The following FOXP2 variants were observed in gnomAD, a reference collection of about 807,000 sequenced individuals.
FOXP2 encodes the protein forkhead box P2.
In FOXP2, 12 loss-of-function variants were observed where a neutral mutation model predicts 115.8. The ratio of observed to expected loss-of-function variants is 0.10; its 90% CI spans 0.07 to 0.17. The LOEUF (loss-of-function observed/expected upper bound fraction) is 0.17. FOXP2 is among the 10% of genes least tolerant of loss of function. The pLI is 1.00. For missense variants in FOXP2, 629 were observed against 843.5 expected (o/e 0.75, Z 3.15); for synonymous variants, 328 against 297.7 (o/e 1.10, Z -1.05).
intron 1 of FOXP2, among the ~76,000 whole-genome samples, chr7:114,144,912 G>A (rs994866028): frequency 6.6e-6 from 1 of 152,144 alleles, no homozygotes; most frequent in Non-Finnish European, 1.5e-5. Context: ...ATTATCCACT[G>A]AACGCTATTA....
chr7:114,172,325 T>C (rs759954109), intron 1 of FOXP2, among the ~76,000 whole-genome samples: 4 of 152,076 alleles, frequency 2.6e-5, no homozygotes, highest in Non-Finnish European at 5.9e-5. Context: ...AAAGTAAAAC[T>C]TATCAGTGGT....
At chr7:114,386,771 T>G (rs1429444017) in intron 2 of FOXP2, among the ~76,000 whole-genome samples, 1 of 152,234 alleles carries the variant, frequency 6.6e-6, no homozygotes, top group African/African-American at 2.4e-5. Flanking sequence ...TTCAGGCTAT[T>G]TCTGAGTAGG....
intron 2 of FOXP2, among the ~76,000 whole-genome samples, chr7:114,526,107 C>A (rs989017955): frequency 8.7e-5 from 12 of 137,244 alleles, no homozygotes; most frequent in Middle Eastern, 4.3e-3. Flanking sequence ...AGTGAAATTT[C>A]GTCTCAAAAA....
chr7:114,556,218 G>C (rs1800445137), intron 3 of FOXP2, among the ~76,000 whole-genome samples: 1 of 152,140 alleles, frequency 6.6e-6, no homozygotes, highest in Non-Finnish European at 1.5e-5. Context: ...AAATGAGGAG[G>C]GGTAAGAGGC....
At chr7:114,406,836 T>G (rs1195182120) in intron 2 of FOXP2, among the ~76,000 whole-genome samples, 4 of 152,010 alleles carry the variant, frequency 2.6e-5, no homozygotes, top group Admixed American at 2.0e-4. Flanking sequence ...CTAGCCTAAG[T>G]CTCTGTCTTT....
intron 2 of FOXP2, among the ~76,000 whole-genome samples, chr7:114,498,684 T>C (rs927792376): frequency 3.9e-5 from 6 of 152,218 alleles, no homozygotes; most frequent in Non-Finnish European, 8.8e-5. Context: ...AATATTCTTA[T>C]ACCAAAAGAA....
At chr7:114,185,780 C>A (rs1036314044) in intron 1 of FOXP2, among the ~76,000 whole-genome samples, 3 of 152,110 alleles carry the variant, frequency 2.0e-5, no homozygotes, top group African/African-American at 2.4e-5. Context: ...GAATTAGTTT[C>A]ATTTTTTATT....
chr7:114,618,970 C>A (rs915114505), intron 3 of FOXP2, among the ~76,000 whole-genome samples: 1 of 152,092 alleles, frequency 6.6e-6, no homozygotes, highest in African/African-American at 2.4e-5. Context: ...CTGAGGATAA[C>A]TGAGTGACAT....
intron 2 of FOXP2, among the ~76,000 whole-genome samples, chr7:114,319,556 C>T (rs1202669065): frequency 2.6e-5 from 4 of 152,228 alleles, no homozygotes; most frequent in South Asian, 4.2e-4. Context: ...AAAGAGAGAG[C>T]GTGTGCAGAG....
rs555910681 is a variant in FOXP2, at chr7:114,415,290, A to G, written c.-81A>G. 7.3e-5 allele frequency: 33 copies of G among 453,392 alleles called. No individual in the cohort carries two copies. The highest frequency in any genetic ancestry group is 4.2e-4 in the South Asian group (27 of 64,444). 28.1% of individuals were successfully genotyped at this position (453,392 alleles called of 1,614,324 possible). A position where few individuals can be genotyped will look rare whatever the true frequency, so the allele number is the denominator to read the frequency against. On this transcript the variant is annotated 5_prime_UTR_variant, in exon 1 of 17. Coordinates refer to ENST00000350908, the MANE Select transcript of FOXP2 (RefSeq NM_014491.4). ...TGTGCTGGCTTTTTTGAATCTTCCTAATTTTTCATCTCTTTAACAAACTCC... is the reference window on the plus strand; with the variant it reads ...TGTGCTGGCTTTTTTGAATCTTCCTGATTTTTCATCTCTTTAACAAACTCC...
At chr7:114,615,160 A>C (rs1178470215) in intron 3 of FOXP2, among the ~76,000 whole-genome samples, 1 of 152,170 alleles carries the variant, frequency 6.6e-6, no homozygotes. Flanking sequence ...CGGAGGTTGC[A>C]GTGAGCCGAG....
chr7:114,514,821 C>T (rs986527610), intron 2 of FOXP2, among the ~76,000 whole-genome samples: 3 of 151,672 alleles, frequency 2.0e-5, no homozygotes, highest in Admixed American at 2.0e-4. Flanking sequence ...CACCCATTAA[C>T]TCATCATTTA....
intron 2 of FOXP2, among the ~76,000 whole-genome samples, chr7:114,429,753 T>C (rs2129206674): frequency 6.6e-6 from 1 of 151,670 alleles, no homozygotes; most frequent in Non-Finnish European, 1.5e-5. Context: ...TGGTTAGTAG[T>C]TTCTTACTGT....
intron 16 of FOXP2, chr7:114,665,561 A>G (rs898236208): frequency 4.6e-5 from 7 of 152,062 alleles, no homozygotes; most frequent in Non-Finnish European, 8.8e-5. Context: ...TAATGTCTTT[A>G]AGAGCATATG....
chr7:114,357,189 C>A (rs1310698552), intron 2 of FOXP2, among the ~76,000 whole-genome samples: 2 of 152,084 alleles, frequency 1.3e-5, no homozygotes, highest in Non-Finnish European at 2.9e-5. Context: ...GGGAATTTTT[C>A]ATAGTAGTAC....
intron 2 of FOXP2, among the ~76,000 whole-genome samples, chr7:114,513,424 T>A (rs1050579043): frequency 1.3e-5 from 2 of 152,074 alleles, no homozygotes; most frequent in Non-Finnish European, 2.9e-5. Context: ...TGACTTATAA[T>A]TAGAATCATT....
At chr7:114,535,040 A>T (rs1799313439) in intron 3 of FOXP2, among the ~76,000 whole-genome samples, 1 of 151,732 alleles carries the variant, frequency 6.6e-6, no homozygotes, top group East Asian at 1.9e-4. Flanking sequence ...TTAAAAGCAA[A>T]GTTATAGTAA....
chr7:114,216,450 C>T (rs1278935376), intron 1 of FOXP2, among the ~76,000 whole-genome samples: 3 of 151,910 alleles, frequency 2.0e-5, no homozygotes, highest in South Asian at 2.1e-4. Context: ...GCTTGTGCAG[C>T]GTAAGTTTAA....
intron 3 of FOXP2, among the ~76,000 whole-genome samples, chr7:114,550,964 C>A (rs543160970): frequency 6.6e-6 from 1 of 150,834 alleles, no homozygotes; most frequent in Non-Finnish European, 1.5e-5. Flanking sequence ...TAGACTAAAG[C>A]AGAAGTGGCT....
Sources: allele counts gnomAD v4.1 joint callset (sites outside exome capture counted in the v4.1 genomes callset), GRCh38; gene constraint gnomAD v4.1.1; transcripts MANE v1.5; gene names NCBI Gene and HGNC (gene_info 2026-07-23, HGNC 2026-07-21).